MORN5: variants seen among roughly 807,000 people sequenced by gnomAD.
The protein encoded by MORN5 is MORN repeat-containing protein 5.
MORN5 carries 21 observed loss-of-function variants against 22.1 expected under a neutral mutation model. The observed-to-expected ratio is 0.95, with a 90% CI of 0.67 to 1.37. The LOEUF is 1.37. MORN5 is among the 40% of genes most tolerant of loss of function. The pLI is 0.00. For synonymous variants in MORN5, 73 were observed against 74.0 expected, an observed-to-expected ratio of 0.99 and a Z score of 0.07; for missense variants, 211 against 215.1, an observed-to-expected ratio of 0.98 and a Z score of 0.12.
chr9:122,178,285 T>C (rs1829483927), intron 4 of MORN5, among the ~76,000 whole-genome samples: 1 of 152,134 alleles, frequency 6.6e-6, no homozygotes, highest in African/African-American at 2.4e-5. Context: ...GGTCAGGATT[T>C]CAAGACCAGC....
In MORN5 at chr9:122,197,380, CA is replaced by C. The variant is rs1829916360; in HGVS notation, c.440-2501del. ...AACATATTCCAACAATCGCAATTTGCAAAATAGTAATCACAACTCCCAGGAT... is the reference window on the plus strand; with the variant it reads ...AACATATTCCAACAATCGCAATTTGCAAATAGTAATCACAACTCCCAGGAT... On this transcript the variant is annotated intron_variant, in intron 4 of 4. Coordinates refer to ENST00000373764, the MANE Select transcript of MORN5 (RefSeq NM_198469.4). This position sits in a 1 kb window ranked among gnomAD's most constrained non-coding sequence, Gnocchi z 5.7. Among the ~76,000 whole-genome samples, 1 of 152,134 alleles carries C rather than the reference CA, an allele frequency of 6.6e-6. No homozygotes were observed. The highest frequency in any genetic ancestry group is 2.4e-5 in the African/African-American group (1 of 41,424).
At chr9:122,189,716 C>A (rs567388876) in intron 4 of MORN5, among the ~76,000 whole-genome samples, 1 of 152,138 alleles carries the variant, frequency 6.6e-6, no homozygotes, top group Non-Finnish European at 1.5e-5. Context: ...ACGCCATTCT[C>A]CTGCCTCAGC....
At chr9:122,180,098 T>C (rs1829513872) in intron 4 of MORN5, among the ~76,000 whole-genome samples, 2 of 152,178 alleles carry the variant, frequency 1.3e-5, no homozygotes, top group Non-Finnish European at 2.9e-5. Context: ...GTATCAAAAT[T>C]CTTTGAACAT....
chr9:122,166,985 C>G, intron 2 of MORN5, 70 bp downstream of exon 2: 1 of 1,453,240 alleles, frequency 6.9e-7, no homozygotes, highest in Non-Finnish European at 9.4e-7. Context: ...CCCTCTGGCA[C>G]CCCATCCTCC....
intron 1 of MORN5, among the ~76,000 whole-genome samples, chr9:122,165,330 A>G (rs1289684254): frequency 6.9e-6 from 1 of 145,974 alleles, no homozygotes; most frequent in East Asian, 2.1e-4. Context: ...AGGCTGAGGC[A>G]GGAGGATCAT....
intron 1 of MORN5, 71 bp downstream of exon 1, chr9:122,160,090 C>T (rs1400375631): frequency 2.8e-5 from 39 of 1,393,788 alleles, no homozygotes; most frequent in Non-Finnish European, 3.9e-5. Context: ...CTTTTTGCTT[C>T]TGCGAAACAC....
At chr9:122,166,959 C>A (rs371869893) in intron 2 of MORN5, 44 bp downstream of exon 2, 3 of 1,574,308 alleles carry the variant, frequency 1.9e-6, no homozygotes, top group Non-Finnish European at 1.7e-6. Flanking sequence ...GAGATCCTCA[C>A]GCAAGAAGAG....
At chr9:122,167,828 C>G (rs1829309727) in intron 2 of MORN5, among the ~76,000 whole-genome samples, 2 of 138,342 alleles carry the variant, frequency 1.4e-5, no homozygotes, top group African/African-American at 5.8e-5. Context: ...TCCAGAGGCT[C>G]TACGGGAAAA....
At chr9:122,199,422 G>C (rs1829964157) in intron 4 of MORN5, among the ~76,000 whole-genome samples, 1 of 152,194 alleles carries the variant, frequency 6.6e-6, no homozygotes, top group Non-Finnish European at 1.5e-5. Context: ...ACAAGAGGGT[G>C]TTAGTCCCCT....
intron 4 of MORN5, among the ~76,000 whole-genome samples, chr9:122,196,641 ATTATT>A (rs1829898933): frequency 6.6e-6 from 1 of 152,206 alleles, no homozygotes; most frequent in South Asian, 2.1e-4. Flanking sequence ...AAAGCCAATA[ATTATT>A]TTAATTATTT....
intron 4 of MORN5, among the ~76,000 whole-genome samples, chr9:122,184,404 C>T (rs1197043870): frequency 6.6e-6 from 1 of 152,192 alleles, no homozygotes; most frequent in Non-Finnish European, 1.5e-5. Context: ...AGAAAGATCA[C>T]TTTTGTCTTC....
intron 4 of MORN5, among the ~76,000 whole-genome samples, chr9:122,193,318 G>A (rs1829814228): frequency 6.6e-6 from 1 of 152,238 alleles, no homozygotes; most frequent in Non-Finnish European, 1.5e-5. Context: ...CGGGCGCCGT[G>A]GCTCACACCT....
intron 1 of MORN5, among the ~76,000 whole-genome samples, chr9:122,164,414 G>A (rs1336096615): frequency 1.3e-5 from 2 of 152,150 alleles, no homozygotes; most frequent in Non-Finnish European, 2.9e-5. Flanking sequence ...TGTAGGAGAG[G>A]TTTGGGGATT....
rs113372157 is a variant in MORN5, at chr9:122,197,252, G to GTT, written c.440-2629_440-2628dup. Among the ~76,000 whole-genome samples the GTT allele has an allele frequency of 1.1e-3, 164 of 150,894 alleles. No homozygotes were observed. The highest frequency in any genetic ancestry group is 3.9e-3 in the African/African-American group (161 of 41,256). Reference sequence around the variant, plus strand: ...CAATTGATTAAAGAGTTTGTGGGGTGTTTTTCCCCCATCTTTTTTCTCCCT... The same window carrying GTT: ...CAATTGATTAAAGAGTTTGTGGGGTGTTTTTTTCCCCCATCTTTTTTCTCCCT... On this transcript the variant is annotated intron_variant, in intron 4 of 4. Transcript: ENST00000373764. This position sits in a 1 kb window ranked among gnomAD's most constrained non-coding sequence, Gnocchi z 5.7.
chr9:122,165,139 G>T (rs544223479), intron 1 of MORN5, among the ~76,000 whole-genome samples: 1 of 152,324 alleles, frequency 6.6e-6, no homozygotes, highest in African/African-American at 2.4e-5. Context: ...CCTTCAGCTT[G>T]TTAGGAGGAA....
chr9:122,175,923 GT>G (rs1235253168), intron 4 of MORN5, among the ~76,000 whole-genome samples: 3 of 151,906 alleles, frequency 2.0e-5, no homozygotes, highest in Non-Finnish European at 4.4e-5. Context: ...GACCATCCTG[GT>G]TAACACGGTG....
rs6478559 is a variant in MORN5 at position 122,197,258 on chromosome 9, C to T, written c.440-2627C>T. On this transcript the variant is annotated intron_variant, in intron 4 of 4. Transcript: ENST00000373764. The surrounding 1 kb of genome is among the most constrained non-coding windows in gnomAD (Gnocchi z 5.7). ...ATTAAAGAGTTTGTGGGGTGTTTTT[C>T]CCCCATCTTTTTTCTCCCTCCTTTC... Among the ~76,000 whole-genome samples, 16,055 of 128,710 alleles carry T rather than the reference C, an allele frequency of 0.12. 2,044 individuals are homozygous for T. The highest frequency in any genetic ancestry group is 0.36 in the African/African-American group (12,640 of 34,992). 84.4% of individuals were successfully genotyped at this position (128,710 alleles called of 152,430 possible).
chr9:122,180,035 G>A (rs1410255145), intron 4 of MORN5, among the ~76,000 whole-genome samples: 1 of 152,196 alleles, frequency 6.6e-6, no homozygotes, highest in Non-Finnish European at 1.5e-5. Flanking sequence ...CACGGGCTGG[G>A]CCACCAGCAG....
intron 3 of MORN5, among the ~76,000 whole-genome samples, chr9:122,171,423 C>T (rs1303067853): frequency 1.3e-5 from 2 of 152,176 alleles, no homozygotes; most frequent in Non-Finnish European, 2.9e-5. Flanking sequence ...CAACATCCCC[C>T]CACCCCCAGT....
Sources: allele counts gnomAD v4.1 joint callset (sites outside exome capture counted in the v4.1 genomes callset), GRCh38; gene constraint gnomAD v4.1.1; non-coding constraint Gnocchi (gnomAD v3.1); transcripts MANE v1.5; gene names NCBI Gene and HGNC (gene_info 2026-07-23, HGNC 2026-07-21).